Variants in ITIH5 observed in about 807,000 individuals in gnomAD.
The protein encoded by ITIH5 is inter-alpha-trypsin inhibitor heavy chain 5.
Under a neutral mutation model 77.5 loss-of-function variants are expected in ITIH5, and 65 were observed. The ratio of observed to expected loss-of-function variants is 0.84; its 90% CI spans 0.69 to 1.03. The LOEUF is 1.03. Ranked by LOEUF, ITIH5 falls within the 50% of genes least tolerant of loss-of-function variation. The pLI is 0.00. For missense variants in ITIH5, 1,208 were observed against 1,213.1 expected (o/e 1.00, Z 0.06); for synonymous variants, 525 against 494.3 (o/e 1.06, Z -0.82).
At chr10:7,625,290 G>A (rs764638422) in intron 5 of ITIH5, among the ~76,000 whole-genome samples, 8 of 152,182 alleles carry the variant, frequency 5.3e-5, no homozygotes, top group South Asian at 2.1e-4. Context: ...CATGAGGTAT[G>A]CAAAGTTGTC....
In ITIH5 at chr10:7,573,138, T is replaced by A; in HGVS notation, c.2032+4A>T. On this transcript the variant is annotated splice_donor_region_variant and intron_variant, in intron 11 of 13. Coordinates refer to ENST00000397146, the MANE Select transcript of ITIH5 (RefSeq NM_030569.7). ...TCCACACACAACCGCATCCTTTGCT[T>A]TACCTGATGTTTTAGAGATTTTAAT... is the stretch of plus-strand genomic sequence containing the variant. The A allele has an allele frequency of 6.2e-7, 1 of 1,613,096 alleles. No homozygotes were observed. Among genetic ancestry groups the A allele is most frequent in the Non-Finnish European group, 8.5e-7 (1 of 1,179,096 alleles).
At chr10:7,574,797 A>G (rs1309507904) in intron 10 of ITIH5, among the ~76,000 whole-genome samples, 12 of 23,128 alleles carry the variant, frequency 5.2e-4, no homozygotes, top group South Asian at 2.7e-3. Context: ...CATCTCGGAA[A>G]AAAAAAAAAA....
At chr10:7,611,350 A>G (rs1257956087) in intron 7 of ITIH5, among the ~76,000 whole-genome samples, 1 of 152,254 alleles carries the variant, frequency 6.6e-6, no homozygotes, top group Non-Finnish European at 1.5e-5. Context: ...AAGTGCCCGA[A>G]TTATTTTATG....
At chr10:7,641,008 T>A (rs1170049690) in intron 3 of ITIH5, among the ~76,000 whole-genome samples, 153 bp from the exon 4 acceptor site, 1 of 152,186 alleles carries the variant, frequency 6.6e-6, no homozygotes, top group African/African-American at 2.4e-5. Flanking sequence ...TACCTTTGAA[T>A]CATTCATTTT....
At chr10:7,586,141 G>C in intron 7 of ITIH5, 72 bp from the exon 8 acceptor site, 1 of 1,293,390 alleles carries the variant, frequency 7.7e-7, no homozygotes, top group Non-Finnish European at 1.0e-6. Context: ...TCTAGAAACC[G>C]CCCCCGCCCC....
intron 7 of ITIH5, among the ~76,000 whole-genome samples, chr10:7,600,357 GTCT>G (rs778715836): frequency 6.6e-6 from 1 of 152,148 alleles, no homozygotes; most frequent in African/African-American, 2.4e-5. Context: ...ACATGCTTCT[GTCT>G]TCTTCTAGGT....
intron 5 of ITIH5, among the ~76,000 whole-genome samples, chr10:7,631,168 T>TA (rs34535930): frequency 6.6e-6 from 1 of 152,106 alleles, no homozygotes; most frequent in Non-Finnish European, 1.5e-5. Context: ...ATCTTCTTAA[T>TA]AAAAAATACT....
chr10:7,650,554 G>A (rs1834081878), intron 2 of ITIH5, among the ~76,000 whole-genome samples: 1 of 152,038 alleles, frequency 6.6e-6, no homozygotes, highest in African/African-American at 2.4e-5. Context: ...GGCCAACATG[G>A]TGAAACCCCG....
At chr10:7,601,871 G>T (rs11255229) in intron 7 of ITIH5, among the ~76,000 whole-genome samples, 142,762 of 152,156 alleles carry the variant, frequency 0.94, 67,489 homozygotes, top group Non-Finnish European at 1. Flanking sequence ...TTTTGTTTTT[G>T]AGATGCAGTC....
intron 5 of ITIH5, among the ~76,000 whole-genome samples, chr10:7,623,168 A>T (rs1475635729): frequency 6.6e-6 from 1 of 152,168 alleles, no homozygotes; most frequent in Admixed American, 6.5e-5. Context: ...TGATAGGGAG[A>T]GGGATTTCCT....
At chr10:7,596,295 G>A (rs563917459) in intron 7 of ITIH5, among the ~76,000 whole-genome samples, 7 of 152,246 alleles carry the variant, frequency 4.6e-5, no homozygotes, top group African/African-American at 1.4e-4. Flanking sequence ...ATTCCATTGC[G>A]TTAACTACCA....
chr10:7,566,260 T>A lies in ITIH5; in HGVS notation c.2297A>T (p.Asp766Val), dbSNP rs768688712. Residue 766 changes from aspartate to valine, a missense_variant, in exon 13 of 14, where the codon GAT (aspartate) becomes GTT (valine). Asp to Val is a radical substitution (Grantham distance 152, BLOSUM62 -3). Transcript: ENST00000397146. Reference sequence around the variant, plus strand: ...GGGGAGCACCAGTCTGTCCCCACCATCCAAGATGACTCTGCTCGGTGTGAT... The same window carrying A: ...GGGGAGCACCAGTCTGTCCCCACCAACCAAGATGACTCTGCTCGGTGTGAT... The part of the protein sequence containing the change: ...LEITPSRVIL[D>V]GGDRLVLPCN... 6.8e-6 allele frequency: 11 copies of A among 1,613,268 alleles called. No individual in the cohort carries two copies. In the Admixed American group the frequency reaches 1.8e-4, roughly 27 times the overall value.
At chr10:7,583,105 A>T (rs753577770) in intron 8 of ITIH5, among the ~76,000 whole-genome samples, 155 of 152,172 alleles carry the variant, frequency 1.0e-3, no homozygotes, top group Non-Finnish European at 1.8e-3. Context: ...CCCCATAAAC[A>T]CATATACCTA....
chr10:7,564,053 C>T (rs1832092127), intron 13 of ITIH5, among the ~76,000 whole-genome samples: 3 of 152,264 alleles, frequency 2.0e-5, no homozygotes, highest in African/African-American at 7.2e-5. Flanking sequence ...GAATGGCCCG[C>T]CTGCTGGGCA....
At chr10:7,621,656 G>A (rs1319646642) in intron 5 of ITIH5, 1 of 151,974 alleles carries the variant, frequency 6.6e-6, no homozygotes, top group Non-Finnish European at 1.5e-5. Context: ...AATTCCAGAG[G>A]AGCATCTCTA....
Position 7,616,113 on chromosome 10 carries a change from A to G in ITIH5, c.823-15T>C, listed in dbSNP as rs1431693505. The stretch of plus-strand genomic sequence containing the variant: ...CCATTTAGAACCTGGTGGAGGGAAA[A>G]GAAAGTAAAAACGGTAGTACCTAGA... On this transcript the variant is annotated splice_polypyrimidine_tract_variant and intron_variant, in intron 6 of 13. Coordinates refer to ENST00000397146, the MANE Select transcript of ITIH5 (RefSeq NM_030569.7). 6.7e-7 allele frequency: 1 copy of G among 1,494,338 alleles called. No individual in the cohort carries two copies. Among genetic ancestry groups the G allele is most frequent in the South Asian group, 1.1e-5 (1 of 88,580 alleles). 92.6% of individuals were successfully genotyped at this position (1,494,338 alleles called of 1,614,324 possible). A position where few individuals can be genotyped will look rare whatever the true frequency, so the allele number is the denominator to read the frequency against.
chr10:7,660,342 G>A (rs1466000673), intron 1 of ITIH5, among the ~76,000 whole-genome samples: 2 of 152,302 alleles, frequency 1.3e-5, no homozygotes, highest in East Asian at 3.9e-4. Context: ...GGAGTGGGAT[G>A]AAAGGGAAGA....
intron 1 of ITIH5, 131 bp downstream of exon 1, chr10:7,666,672 A>G: frequency 3.1e-6 from 2 of 636,718 alleles, no homozygotes; most frequent in Non-Finnish European, 5.3e-6. Context: ...ACCCACAGAG[A>G]GGGACCCCTG....
intron 10 of ITIH5, among the ~76,000 whole-genome samples, chr10:7,573,503 C>CA (rs57321816): frequency 0.037 from 5,281 of 143,278 alleles, 325 homozygotes; most frequent in African/African-American, 0.13. Flanking sequence ...CCTGTCTCTA[C>CA]AAAAAAAAAA....
Sources: allele counts gnomAD v4.1 joint callset (sites outside exome capture counted in the v4.1 genomes callset), GRCh38; gene constraint gnomAD v4.1.1; transcripts MANE v1.5; gene names NCBI Gene and HGNC (gene_info 2026-07-23, HGNC 2026-07-21).